PEX5L: variants seen among roughly 807,000 people sequenced by gnomAD.
PEX5L encodes PEX5-related protein.
Under a neutral mutation model 84.0 loss-of-function variants are expected in PEX5L, and 30 were observed. The ratio of observed to expected loss-of-function variants is 0.36; its 90% CI spans 0.27 to 0.48. PEX5L has a LOEUF of 0.48. Among genes scored for constraint, PEX5L ranks in the 20% least tolerant of loss-of-function variants. PEX5L has a pLI of 0.99. For synonymous variants in PEX5L, 270 were observed against 283.1 expected, an observed-to-expected ratio of 0.95 and a Z score of 0.46; for missense variants, 533 against 754.6, an observed-to-expected ratio of 0.71 and a Z score of 3.44.
At chr3:179,843,229 G>C (rs889185280) in intron 8 of PEX5L, among the ~76,000 whole-genome samples, 2 of 152,162 alleles carry the variant, frequency 1.3e-5, no homozygotes, top group Admixed American at 6.5e-5. Flanking sequence ...AAATCATTGA[G>C]TCCAGAGATT....
At chr3:179,892,420 C>T (rs569324437) in intron 3 of PEX5L, among the ~76,000 whole-genome samples, 1 of 152,158 alleles carries the variant, frequency 6.6e-6, no homozygotes, top group Non-Finnish European at 1.5e-5. Flanking sequence ...TTTTATCTGT[C>T]CCTCTCCAAC....
chr3:180,021,632 G>A (rs886126488), intron 1 of PEX5L, among the ~76,000 whole-genome samples: 1 of 152,210 alleles, frequency 6.6e-6, no homozygotes, highest in South Asian at 2.1e-4. Flanking sequence ...GGATGGTGGT[G>A]CTATTACACA....
At chr3:179,811,946 T>C (rs949276742) in intron 10 of PEX5L, 75 bp from the exon 11 acceptor site, 2 of 1,157,310 alleles carry the variant, frequency 1.7e-6, no homozygotes, top group African/African-American at 1.5e-5. Flanking sequence ...TTTGTTGACC[T>C]GTGATGGATC....
chr3:179,972,167 A>G (rs970870871), intron 1 of PEX5L, among the ~76,000 whole-genome samples: 14 of 152,210 alleles, frequency 9.2e-5, no homozygotes, highest in African/African-American at 3.1e-4. Context: ...TCAGATGAAT[A>G]CTGACATTGG....
At chr3:179,911,636 T>G (rs533000644) in intron 2 of PEX5L, among the ~76,000 whole-genome samples, 3 of 152,318 alleles carry the variant, frequency 2.0e-5, no homozygotes, top group East Asian at 3.8e-4. Context: ...TATTTATAAT[T>G]TGAAATAGTA....
At chr3:179,941,606 G>A (rs1440876395) in intron 2 of PEX5L, among the ~76,000 whole-genome samples, 1 of 152,192 alleles carries the variant, frequency 6.6e-6, no homozygotes, top group Non-Finnish European at 1.5e-5. Flanking sequence ...ACGCCAGTCT[G>A]TGCGATGCCA....
rs1475740715 is a variant in PEX5L at position 179,908,464 on chromosome 3, T to TA, written c.94-10219_94-10218insT. Reference sequence around the variant, plus strand: ...CTTCTCTCTAAACTTCTGTTTTATCTTTTTTTATTTTATTATTGTTATACT... The same window carrying TA: ...CTTCTCTCTAAACTTCTGTTTTATCTATTTTTTATTTTATTATTGTTATACT... On this transcript the variant is annotated intron_variant, in intron 2 of 14. Transcript: ENST00000467460. 1.1e-4 allele frequency among the ~76,000 whole-genome samples: 16 copies of TA among 152,342 alleles called. 1 individual carries two copies. The highest frequency in any genetic ancestry group is 3.8e-4 in the African/African-American group (16 of 41,576).
At chr3:179,858,100 G>C (rs1577682466) in intron 8 of PEX5L, among the ~76,000 whole-genome samples, 1 of 152,142 alleles carries the variant, frequency 6.6e-6, no homozygotes, top group South Asian at 2.1e-4. Context: ...TTCAGGTATA[G>C]AGGTACTGAA....
intron 8 of PEX5L, among the ~76,000 whole-genome samples, chr3:179,832,214 G>A (rs184644544): frequency 1.1e-3 from 162 of 152,074 alleles, no homozygotes; most frequent in African/African-American, 3.7e-3. Flanking sequence ...TAGATGTTGG[G>A]GTGGGGTTGG....
At chr3:179,984,372 T>A (rs537318315) in intron 1 of PEX5L, among the ~76,000 whole-genome samples, 1 of 152,060 alleles carries the variant, frequency 6.6e-6, no homozygotes, top group Non-Finnish European at 1.5e-5. Flanking sequence ...GGAAATGAAG[T>A]TTTTAAAAAA....
chr3:180,031,487 G>A (rs2108365758), intron 1 of PEX5L, among the ~76,000 whole-genome samples: 1 of 152,244 alleles, frequency 6.6e-6, no homozygotes, highest in Non-Finnish European at 1.5e-5. Context: ...ATAAAAAGGT[G>A]AAAAATGTTT....
chr3:179,952,095 T>G (rs957245219), intron 2 of PEX5L, among the ~76,000 whole-genome samples: 1 of 152,202 alleles, frequency 6.6e-6, no homozygotes, highest in Non-Finnish European at 1.5e-5. Context: ...GCTACTATAC[T>G]TTGCTTATAT....
chr3:179,798,986 C>G lies in PEX5L; in HGVS notation c.*2842G>C, dbSNP rs1718043566. 6.6e-6 allele frequency: 1 copy of G among 152,332 alleles called. No individual in the cohort carries two copies. The highest frequency in any genetic ancestry group is 2.4e-5 in the African/African-American group (1 of 41,434). 9.4% of individuals were successfully genotyped at this position (152,332 alleles called of 1,614,324 possible). ...CCAGACTGGAGTGCAGCGGTGCAAT[C>G]TCGGCTCACTGCAACCTCCGCCTCC... is the stretch of plus-strand genomic sequence containing the variant. On this transcript the variant is annotated 3_prime_UTR_variant, in exon 15 of 15. Coordinates refer to ENST00000467460, the MANE Select transcript of PEX5L (RefSeq NM_016559.3).
chr3:179,988,325 C>T (rs898129984), intron 1 of PEX5L, among the ~76,000 whole-genome samples: 7 of 151,482 alleles, frequency 4.6e-5, no homozygotes, highest in African/African-American at 1.7e-4. Context: ...CGCTTGAACC[C>T]GGGAGGCAGA....
intron 2 of PEX5L, among the ~76,000 whole-genome samples, chr3:179,955,611 C>A (rs1178198448): frequency 6.6e-6 from 1 of 150,956 alleles, no homozygotes; most frequent in Non-Finnish European, 1.5e-5. Context: ...TAAATAAAGT[C>A]TGGGAGCCTC....
intron 2 of PEX5L, among the ~76,000 whole-genome samples, chr3:179,915,303 T>G (rs1766632416): frequency 6.6e-6 from 1 of 152,174 alleles, no homozygotes; most frequent in Non-Finnish European, 1.5e-5. Context: ...GATGGGAGGT[T>G]TTGAATTTTA....
chr3:180,024,402 G>A (rs1198638360), intron 1 of PEX5L, among the ~76,000 whole-genome samples: 5 of 132,244 alleles, frequency 3.8e-5, no homozygotes, highest in Non-Finnish European at 8.0e-5. Flanking sequence ...AAAATTAGCC[G>A]TGCGTGGTGG....
At chr3:179,972,223 T>C (rs1784941848) in intron 1 of PEX5L, among the ~76,000 whole-genome samples, 2 of 151,634 alleles carry the variant, frequency 1.3e-5, no homozygotes, top group South Asian at 4.1e-4. Context: ...TAAAATAATT[T>C]ACAAAATTAG....
chr3:179,958,152 T>C (rs1781072102), intron 2 of PEX5L, among the ~76,000 whole-genome samples: 2 of 152,344 alleles, frequency 1.3e-5, no homozygotes, highest in South Asian at 2.1e-4. Flanking sequence ...TTCTTTATCA[T>C]ATATGGCATA....
Sources: gnomAD v4.1 joint callset for allele counts (sites outside exome capture counted in the v4.1 genomes callset) on GRCh38, gnomAD v4.1.1 for gene constraint, MANE v1.5 for transcripts, NCBI Gene and HGNC (gene_info 2026-07-23, HGNC 2026-07-21) for gene names.